Variants in NRG3 observed in about 807,000 individuals in gnomAD.
NRG3 encodes pro-neuregulin-3, membrane-bound isoform.
A neutral mutation model predicts 66.9 loss-of-function variants in NRG3; 31 were observed. The ratio of observed to expected loss-of-function variants is 0.46; its 90% confidence interval spans 0.35 to 0.63. NRG3 has a LOEUF of 0.63. NRG3 is among the 20% of genes least tolerant of loss of function. The pLI is 0.00. For synonymous variants in NRG3, 393 were observed against 359.4 expected (o/e 1.09, Z -1.06); for missense variants, 910 against 878.9 (o/e 1.04, Z -0.45).
chr10:82,238,733 A>G (rs891844916), intron 1 of NRG3, among the ~76,000 whole-genome samples: 1 of 151,834 alleles, frequency 6.6e-6, no homozygotes, highest in African/African-American at 2.4e-5. Context: ...TTTTGATTAA[A>G]CATTCTATTT....
Position 81,909,063 on chromosome 10 carries a change from T to C in NRG3, c.823+32900T>C, listed in dbSNP as rs184898774. Among the ~76,000 whole-genome samples the C allele has an allele frequency of 1.2e-3, 177 of 152,324 alleles. 1 individual carries two copies. The highest frequency in any genetic ancestry group is 0.01 in the Middle Eastern group (3 of 294). On this transcript the variant is annotated intron_variant, in intron 1 of 8. Transcript: ENST00000372141. ...TGTTTGAAATCAAGGTGTTGGGATG[T>C]ACCTCTCCCTCTGAAGGCTCTAGGG...
chr10:82,842,659 A>G (rs534634454), intron 3 of NRG3, among the ~76,000 whole-genome samples: 116 of 152,344 alleles, frequency 7.6e-4, no homozygotes, highest in Non-Finnish European at 1.4e-3. Context: ...CATGAGGGAC[A>G]TGTTCCAAGG....
intron 4 of NRG3, among the ~76,000 whole-genome samples, chr10:82,891,989 T>C (rs1198430137): frequency 1.3e-5 from 2 of 152,114 alleles, no homozygotes; most frequent in Non-Finnish European, 2.9e-5. Context: ...AAATATATAT[T>C]GTTTTACTCA....
At chr10:82,731,221 G>C (rs192860238) in intron 2 of NRG3, among the ~76,000 whole-genome samples, 1 of 151,942 alleles carries the variant, frequency 6.6e-6, no homozygotes, top group Non-Finnish European at 1.5e-5. Flanking sequence ...ACAAAACTTA[G>C]CCAGGCATGG....
At chr10:81,938,394 T>TG (rs143612032) in intron 1 of NRG3, among the ~76,000 whole-genome samples, 10 of 68,446 alleles carry the variant, frequency 1.5e-4, no homozygotes, top group African/African-American at 6.9e-4. Context: ...GTGTGTGTGT[T>TG]TTTTTTTTTC....
intron 2 of NRG3, among the ~76,000 whole-genome samples, chr10:82,430,855 G>C (rs753977730): frequency 1.3e-5 from 2 of 152,070 alleles, no homozygotes; most frequent in Non-Finnish European, 2.9e-5. Flanking sequence ...TACTTGTGCT[G>C]GGGATGACTT....
intron 1 of NRG3, among the ~76,000 whole-genome samples, chr10:82,147,482 T>A (rs187179907): frequency 6.6e-6 from 1 of 152,216 alleles, no homozygotes; most frequent in Non-Finnish European, 1.5e-5. Context: ...ATTTCCATTA[T>A]TTTAATGAGA....
intron 3 of NRG3, among the ~76,000 whole-genome samples, chr10:82,807,054 A>ATT (rs2061318991): frequency 6.6e-6 from 1 of 152,206 alleles, no homozygotes; most frequent in East Asian, 1.9e-4. Context: ...CTAATTGGTT[A>ATT]TTGGACATAA....
intron 2 of NRG3, among the ~76,000 whole-genome samples, chr10:82,402,025 A>G (rs2087139780): frequency 6.6e-6 from 1 of 152,110 alleles, no homozygotes; most frequent in African/African-American, 2.4e-5. Flanking sequence ...AATTAATCAA[A>G]TTAGGTTTCT....
intron 1 of NRG3, among the ~76,000 whole-genome samples, chr10:81,887,386 A>G (rs915378888): frequency 1.9e-4 from 29 of 152,160 alleles, no homozygotes; most frequent in African/African-American, 6.8e-4. Flanking sequence ...ATTGCTATAC[A>G]AGGATATAGC....
At chr10:82,262,327 T>A (rs1245595716) in intron 1 of NRG3, among the ~76,000 whole-genome samples, 1 of 152,116 alleles carries the variant, frequency 6.6e-6, no homozygotes, top group Non-Finnish European at 1.5e-5. Flanking sequence ...ATGCTTCGAT[T>A]TGGGACCTTA....
intron 1 of NRG3, among the ~76,000 whole-genome samples, chr10:82,294,740 C>T (rs1039142255): frequency 1.3e-5 from 2 of 152,134 alleles, no homozygotes; most frequent in Non-Finnish European, 2.9e-5. Context: ...CCTGTCTACT[C>T]ACATTTCTTT....
intron 1 of NRG3, among the ~76,000 whole-genome samples, chr10:82,060,292 T>C (rs924389860): frequency 5.9e-5 from 9 of 152,166 alleles, no homozygotes; most frequent in Non-Finnish European, 1.5e-5. Context: ...ATGGCATGCA[T>C]GAATGTTTAA....
intron 2 of NRG3, among the ~76,000 whole-genome samples, chr10:82,643,530 C>G (rs1324463871): frequency 1.3e-5 from 2 of 151,968 alleles, no homozygotes; most frequent in Non-Finnish European, 2.9e-5. Context: ...CCAAGGTTTC[C>G]CTAAGCATGA....
chr10:82,559,042 T>C (rs1209335145), intron 2 of NRG3, among the ~76,000 whole-genome samples: 1 of 152,204 alleles, frequency 6.6e-6, no homozygotes, highest in Non-Finnish European at 1.5e-5. Context: ...CATACTTGCA[T>C]TTGTTTGTGC....
intron 1 of NRG3, among the ~76,000 whole-genome samples, chr10:81,944,678 A>G (rs1344521174): frequency 3.9e-5 from 6 of 152,120 alleles, no homozygotes; most frequent in Non-Finnish European, 5.9e-5. Flanking sequence ...TTCATGCTGA[A>G]CCTACATAGG....
intron 2 of NRG3, among the ~76,000 whole-genome samples, chr10:82,560,704 G>GCC (rs1414984954): frequency 1.3e-5 from 2 of 151,110 alleles, no homozygotes; most frequent in Admixed American, 6.6e-5. Flanking sequence ...TATCATAATA[G>GCC]AAATGGCTTT....
At chr10:82,924,102 A>T (rs1474806733) in intron 4 of NRG3, among the ~76,000 whole-genome samples, 1 of 151,430 alleles carries the variant, frequency 6.6e-6, no homozygotes, top group East Asian at 2.0e-4. Context: ...AAAAAAAAAA[A>T]AAAAAAAGGT....
intron 1 of NRG3, among the ~76,000 whole-genome samples, chr10:81,922,578 AACAAG>A (rs1846358740): frequency 6.6e-6 from 1 of 152,196 alleles, no homozygotes; most frequent in African/African-American, 2.4e-5. Context: ...TGCTGCCCAA[AACAAG>A]ACATTGATTT....
Sources: allele counts gnomAD v4.1 joint callset (sites outside exome capture counted in the v4.1 genomes callset), GRCh38; gene constraint gnomAD v4.1.1; transcripts MANE v1.5; gene names NCBI Gene and HGNC (gene_info 2026-07-23, HGNC 2026-07-21).